LIMCH1: variants seen among roughly 807,000 people sequenced by gnomAD.
LIMCH1 encodes the protein LIM and calponin homology domains-containing protein 1.
In LIMCH1, 113 loss-of-function variants were observed where a neutral mutation model predicts 176.5. That is an observed-to-expected ratio of 0.64 (90% CI 0.55 to 0.75). LIMCH1 has a LOEUF of 0.75. Among genes scored for constraint, LIMCH1 ranks in the 30% least tolerant of loss-of-function variants. The pLI is 0.00. For synonymous variants in LIMCH1, 619 were observed against 645.9 expected (o/e 0.96, Z 0.63); for missense variants, 1,674 against 1,814.9 (o/e 0.92, Z 1.41).
Position 41,462,338 on chromosome 4 carries a change from A to G in LIMCH1, c.97-32198A>G, listed in dbSNP as rs192847102. On this transcript the variant is annotated intron_variant, in intron 1 of 26. Coordinates refer to the LIMCH1 transcript ENST00000313860. ...TAGATTCCATCTCTCTGGGAGAAAA[A>G]TCTTTATTGGTAACTTACAGTTTGA... Among the ~76,000 whole-genome samples, 152 of 152,268 alleles carry G rather than the reference A, an allele frequency of 1.0e-3. 1 individual carries two copies. The highest frequency in any genetic ancestry group is 2.1e-4 in the Non-Finnish European group (14 of 68,014).
intron 1 of LIMCH1, among the ~76,000 whole-genome samples, chr4:41,383,408 C>T (rs2154104983): frequency 6.6e-6 from 1 of 152,218 alleles, no homozygotes; most frequent in East Asian, 1.9e-4. Flanking sequence ...GTGAAGACCT[C>T]ATGAGGAGCG....
chr4:41,565,873 A>G (rs56940142), intron 1 of LIMCH1, among the ~76,000 whole-genome samples: 1 of 152,118 alleles, frequency 6.6e-6, no homozygotes, highest in Admixed American at 6.5e-5. Context: ...GATGATGCTG[A>G]TAATAACCAC....
intron 1 of LIMCH1, among the ~76,000 whole-genome samples, chr4:41,574,117 A>C (rs1404656323): frequency 2.0e-5 from 3 of 152,104 alleles, no homozygotes; most frequent in Non-Finnish European, 4.4e-5. Context: ...GGCAGAGCTT[A>C]AGTACAGAAT....
At chr4:41,531,474 T>TCACACACA (rs59275736) in intron 3 of LIMCH1, among the ~76,000 whole-genome samples, 6,648 of 126,908 alleles carry the variant, frequency 0.052, 206 homozygotes, top group East Asian at 0.066. Context: ...TCTTTCTCTG[T>TCACACACA]CACACACACA....
intron 3 of LIMCH1, among the ~76,000 whole-genome samples, chr4:41,525,726 T>C (rs2076574511): frequency 6.6e-6 from 1 of 151,902 alleles, no homozygotes; most frequent in South Asian, 2.1e-4. Flanking sequence ...ATAAAATAAA[T>C]AATATATAAG....
At chr4:41,537,272 A>G (rs1242534623), upstream of LIMCH1, among the ~76,000 whole-genome samples, 1 of 152,242 alleles carries the variant, frequency 6.6e-6, no homozygotes, top group Non-Finnish European at 1.5e-5. Context: ...AGCATTTGAA[A>G]ATTCCAAATG....
chr4:41,619,991 A>G lies in LIMCH1; in HGVS notation c.459-433A>G, dbSNP rs753566989. Reference sequence around the variant, plus strand: ...TATTTATTTATTCATTTATTCAGCAAGTACTTATTGAGCATCTACTATATG... The same window carrying G: ...TATTTATTTATTCATTTATTCAGCAGGTACTTATTGAGCATCTACTATATG... On this transcript the variant is annotated intron_variant, in intron 6 of 31. Transcript: ENST00000503057. 1.4e-3 allele frequency: 262 copies of G among 187,146 alleles called. 1 individual carries two copies. Among genetic ancestry groups the G allele is most frequent in the Non-Finnish European group, 2.1e-3 (190 of 88,528 alleles). The allele number at this position is 187,146 out of a possible 1,614,324, so 11.6% of individuals were successfully genotyped here.
At chr4:41,629,233 T>C (rs2093168927) in intron 8 of LIMCH1, among the ~76,000 whole-genome samples, 1 of 152,214 alleles carries the variant, frequency 6.6e-6, no homozygotes, top group South Asian at 2.1e-4. Flanking sequence ...CAGGCACGGC[T>C]TCTTTTCCTA....
At chr4:41,522,435 A>G (rs1206529682) in intron 2 of LIMCH1, among the ~76,000 whole-genome samples, 2 of 150,970 alleles carry the variant, frequency 1.3e-5, no homozygotes, top group African/African-American at 4.9e-5. Flanking sequence ...CTGTGGTACA[A>G]AGGTGACAGT....
At position 41,680,996 on chromosome 4, in the gene LIMCH1, T is replaced by G. The variant is rs1244975019; in HGVS notation, c.3654T>G (p.Val1218=). ...IIEDTVVPFT[V]SSSSADQLST... The stretch of plus-strand genomic sequence containing the variant: ...AAGACACTGTGGTTCCATTTACTGT[T>G]TCTTCAAGTTCCGCTGACCAGCTGT... Residue 1218 remains valine (V), a synonymous_variant, in exon 25 of 32, where the codon GTT becomes GTG. Coordinates refer to ENST00000503057, the MANE Select transcript of LIMCH1 (RefSeq NM_001330672.2). The G allele has an allele frequency of 6.2e-7, 1 of 1,612,568 alleles. No homozygotes were observed.
intron 1 of LIMCH1, among the ~76,000 whole-genome samples, chr4:41,372,899 C>T (rs960066155): frequency 2.6e-5 from 4 of 152,088 alleles, no homozygotes; most frequent in Non-Finnish European, 2.9e-5. Context: ...TTCTTGGCTG[C>T]GATTATTCCT....
Position 41,417,371 on chromosome 4 carries a change from A to C in LIMCH1, c.96+56435A>C, listed in dbSNP as rs1463807277. Among the ~76,000 whole-genome samples the C allele has an allele frequency of 3.9e-5, 6 of 152,282 alleles. No homozygotes were observed. The East Asian group carries it at 9.6e-4, about 24-fold the overall frequency. On this transcript the variant is annotated intron_variant, in intron 1 of 26. Coordinates refer to the LIMCH1 transcript ENST00000313860. ...GTCCTCAGTTTACAGATGAAGTAGA[A>C]ACTGTGTGACTGGCACAGGAAGAGG... is the stretch of plus-strand genomic sequence containing the variant.
At chr4:41,670,856 A>C in intron 21 of LIMCH1, 1 of 1,526,908 alleles carries the variant, frequency 6.5e-7, no homozygotes, top group South Asian at 1.2e-5. Flanking sequence ...GCGATCAATG[A>C]TGTGTGGCAC....
chr4:41,595,283 A>G (rs1472244532), intron 1 of LIMCH1, among the ~76,000 whole-genome samples: 1 of 152,194 alleles, frequency 6.6e-6, no homozygotes, highest in Non-Finnish European at 1.5e-5. Context: ...AAGAGAAGAC[A>G]AGAAGAAAGA....
At chr4:41,573,601 A>G (rs192281837) in intron 1 of LIMCH1, among the ~76,000 whole-genome samples, 8 of 152,340 alleles carry the variant, frequency 5.3e-5, no homozygotes, top group Admixed American at 1.3e-4. Flanking sequence ...TCAATGTGCA[A>G]TAAATTGCTT....
intron 1 of LIMCH1, among the ~76,000 whole-genome samples, chr4:41,383,224 T>G (rs995959094): frequency 6.6e-6 from 1 of 152,220 alleles, no homozygotes; most frequent in African/African-American, 2.4e-5. Flanking sequence ...TGGAGGTAGG[T>G]GCTTGGGACA....
At chr4:41,387,551 G>C (rs2056664298) in intron 1 of LIMCH1, among the ~76,000 whole-genome samples, 1 of 152,192 alleles carries the variant, frequency 6.6e-6, no homozygotes, top group African/African-American at 2.4e-5. Flanking sequence ...GCAGAACAAT[G>C]AGCCTCCTTC....
At chr4:41,462,453 A>C (rs139436793) in intron 1 of LIMCH1, among the ~76,000 whole-genome samples, 188 of 152,336 alleles carry the variant, frequency 1.2e-3, no homozygotes, top group African/African-American at 4.4e-3. Flanking sequence ...CAAGAAGAAA[A>C]AAGTTCTAAC....
rs142815090 is a variant in LIMCH1, at chr4:41,403,856, G to A, written c.96+42920G>A. On this transcript the variant is annotated intron_variant, in intron 1 of 26. Transcript: ENST00000313860. ...GATGGAATGGTGGAAACCACCTTCC[G>A]TTTTCTCCCTCTGTCTCTGTTTTGC... Among the ~76,000 whole-genome samples, 170 of 152,280 alleles carry A rather than the reference G, an allele frequency of 1.1e-3. 1 individual carries two copies. Among genetic ancestry groups the A allele is most frequent in the East Asian group, 4.4e-3 (23 of 5,188 alleles).
Sources: gnomAD v4.1 joint callset for allele counts (sites outside exome capture counted in the v4.1 genomes callset) on GRCh38, gnomAD v4.1.1 for gene constraint, MANE v1.5 for transcripts, NCBI Gene and HGNC (gene_info 2026-07-23, HGNC 2026-07-21) for gene names.